Variants in MYO16 observed in about 807,000 individuals in gnomAD.
MYO16 encodes myosin XVI.
In MYO16, 94 loss-of-function variants were observed where a neutral mutation model predicts 205.3. The ratio of observed to expected loss-of-function variants is 0.46; its 90% CI spans 0.39 to 0.54. MYO16 has a LOEUF of 0.54. Among genes scored for constraint, MYO16 ranks in the 20% least tolerant of loss-of-function variants. The pLI is 0.00. For synonymous variants in MYO16, 988 were observed against 954.0 expected (o/e 1.04, Z -0.66); for missense variants, 2,315 against 2,387.5 (o/e 0.97, Z 0.63).
chr13:108,912,922 A>C (rs1366003818), intron 16 of MYO16, among the ~76,000 whole-genome samples: 2 of 152,182 alleles, frequency 1.3e-5, no homozygotes, highest in Non-Finnish European at 2.9e-5. Flanking sequence ...CCTATAATTT[A>C]AATAAACAAT....
intron 11 of MYO16, among the ~76,000 whole-genome samples, chr13:108,858,371 A>G (rs1448767053): frequency 2.0e-5 from 3 of 152,222 alleles, no homozygotes; most frequent in African/African-American, 7.2e-5. Flanking sequence ...TTTAACAGAA[A>G]TCTCAAAATT....
At chr13:109,083,255 C>T (rs192189625) in intron 27 of MYO16, among the ~76,000 whole-genome samples, 16 of 151,582 alleles carry the variant, frequency 1.1e-4, no homozygotes, top group Admixed American at 2.6e-4. Context: ...TGGTGGTGGG[C>T]GCCTGTAATC....
At chr13:108,522,172 A>T in the MYO16 span, among the ~76,000 whole-genome samples, 18,913 of 152,168 alleles carry the variant, frequency 0.12, 1,336 homozygotes, top group East Asian at 0.23. Context: ...CCCTGCTTTG[A>T]TGTAGCCCAG....
intron 23 of MYO16, among the ~76,000 whole-genome samples, chr13:109,023,695 G>GCATATATACATATGTA (rs1566468345): frequency 8.8e-6 from 1 of 113,460 alleles, no homozygotes; most frequent in African/African-American, 3.1e-5. Context: ...ACATATATAT[G>GCATATATACATATGTA]TATATATGTA....
At position 109,127,472 on chromosome 13, in the gene MYO16, G is replaced by T; in HGVS notation, c.3973G>T (p.Asp1325Tyr). The T allele has an allele frequency of 6.2e-7, 1 of 1,613,918 alleles. No individual in the cohort carries two copies. The highest frequency in any genetic ancestry group is 8.5e-7 in the Non-Finnish European group (1 of 1,179,990). The change falls in exon 31 of 35, where the codon GAC becomes TAC. Residue 1325 changes from aspartate (D) to tyrosine (Y), a missense_variant. This residue lies in a region of MYO16 where 1,097 missense variants were observed against 1,092.0 expected (regional missense o/e 1.00). Coordinates refer to ENST00000457511, the MANE Select transcript of MYO16 (RefSeq NM_001198950.3). The surrounding 1 kb of genome is among the most constrained non-coding windows in gnomAD (Gnocchi z 4.2). The stretch of plus-strand genomic sequence containing the variant: ...ACAGCCCCCGCCCAAGCCAAAGAGG[G>T]ACCCCAACACCCGGCTGAGTGCTTC... ...RKQPPPKPKR[D>Y]PNTRLSASYE... is the part of the protein sequence containing the mutation.
At chr13:108,956,942 G>C (rs1324406874) in intron 16 of MYO16, among the ~76,000 whole-genome samples, 1 of 152,054 alleles carries the variant, frequency 6.6e-6, no homozygotes, top group East Asian at 1.9e-4. Context: ...TGTTTGTTGA[G>C]GGAAAGGAGT....
At chr13:109,163,387 G>C (rs919947930) in intron 32 of MYO16, among the ~76,000 whole-genome samples, 12 of 152,250 alleles carry the variant, frequency 7.9e-5, no homozygotes, top group Admixed American at 3.3e-4. Flanking sequence ...ATAATGTCAA[G>C]GTAGGAGTTA....
At position 109,001,178 on chromosome 13, in the gene MYO16, AT is replaced by A. The variant is rs573653899; in HGVS notation, c.2443-7716del. Among the ~76,000 whole-genome samples the A allele has an allele frequency of 3.2e-3, 478 of 147,624 alleles. 6 individuals carry two copies. Among genetic ancestry groups the A allele is most frequent in the African/African-American group, 0.011 (462 of 40,492 alleles). ...TTAAGAAATAGTAACAGAATAAAAA[AT>A]TTAAAAAAAAAAAAAGAAAAGGAAG... On this transcript the variant is annotated intron_variant, in intron 21 of 34. Coordinates refer to ENST00000457511, the MANE Select transcript of MYO16 (RefSeq NM_001198950.3).
At chr13:108,746,803 T>C (rs1458219950) in intron 4 of MYO16, among the ~76,000 whole-genome samples, 5 of 151,642 alleles carry the variant, frequency 3.3e-5, no homozygotes, top group Non-Finnish European at 7.4e-5. Context: ...CCAGGCAAGA[T>C]AAACATAAAA....
intron 34 of MYO16, among the ~76,000 whole-genome samples, chr13:109,180,847 A>G (rs1307834753): frequency 2.0e-5 from 3 of 152,234 alleles, no homozygotes; most frequent in African/African-American, 7.2e-5. Flanking sequence ...AGCATCACAG[A>G]TGCTTCCTCT....
intron 4 of MYO16, among the ~76,000 whole-genome samples, chr13:108,746,096 G>A (rs1217826406): frequency 2.0e-5 from 3 of 152,156 alleles, no homozygotes; most frequent in Non-Finnish European, 2.9e-5. Flanking sequence ...GGGAGGCTGA[G>A]GCAGGAGAAT....
At chr13:108,503,141 A>G in the MYO16 span, among the ~76,000 whole-genome samples, 223 of 152,318 alleles carry the variant, frequency 1.5e-3, 2 homozygotes, top group African/African-American at 5.3e-3. Flanking sequence ...TATATAATAT[A>G]AAACAGACAT....
chr13:108,968,960 T>C (rs925001365), intron 20 of MYO16, among the ~76,000 whole-genome samples: 12 of 152,170 alleles, frequency 7.9e-5, no homozygotes, highest in African/African-American at 2.9e-4. Flanking sequence ...GGGGCTTCCT[T>C]TTCCTGTAAG....
At chr13:108,898,262 G>T (rs145249092) in intron 15 of MYO16, 129 bp downstream of exon 15, 4 of 730,302 alleles carry the variant, frequency 5.5e-6, no homozygotes, top group African/African-American at 3.5e-5. Context: ...CTTCATGACC[G>T]TGTCTGGAAA....
chr13:109,168,459 C>T (rs1878785276), intron 33 of MYO16, among the ~76,000 whole-genome samples: 1 of 152,222 alleles, frequency 6.6e-6, no homozygotes, highest in Non-Finnish European at 1.5e-5. Flanking sequence ...CGCGGTGGCT[C>T]ACGCCTGCAA....
At chr13:108,503,445 G>GTT in the MYO16 span, among the ~76,000 whole-genome samples, 9,898 of 148,266 alleles carry the variant, frequency 0.067, 426 homozygotes, top group Admixed American at 0.12. Context: ...GCTCAAAAAA[G>GTT]TTTTTTTTTT....
intron 2 of MYO16, among the ~76,000 whole-genome samples, chr13:108,683,819 C>A (rs538363241): frequency 1.3e-5 from 2 of 152,276 alleles, no homozygotes; most frequent in African/African-American, 4.8e-5. Flanking sequence ...TTGAGTGGGA[C>A]AGATGATAGG....
chr13:108,721,672 C>G (rs1307688055), intron 3 of MYO16, among the ~76,000 whole-genome samples: 1 of 152,154 alleles, frequency 6.6e-6, no homozygotes, highest in Non-Finnish European at 1.5e-5. Flanking sequence ...AGAAGCACAT[C>G]AATGTAAGCG....
intron 6 of MYO16, among the ~76,000 whole-genome samples, chr13:108,796,022 G>A (rs1389951881): frequency 6.6e-6 from 1 of 152,178 alleles, no homozygotes; most frequent in Non-Finnish European, 1.5e-5. Flanking sequence ...TGTCAGGGGC[G>A]AGTGTGGTGT....
Sources: gnomAD v4.1 joint callset for allele counts (sites outside exome capture counted in the v4.1 genomes callset) on GRCh38, gnomAD v4.1.1 for gene constraint, gnomAD v4.1.1 regional missense constraint, Gnocchi (gnomAD v3.1) non-coding constraint, MANE v1.5 for transcripts, NCBI Gene and HGNC (gene_info 2026-07-23, HGNC 2026-07-21) for gene names.